The following RANBP3L variants were observed in gnomAD, a reference collection of about 807,000 sequenced individuals.
RANBP3L encodes the protein ran-binding protein 3-like.
A neutral mutation model predicts 67.2 loss-of-function variants in RANBP3L; 56 were observed. The observed-to-expected ratio is 0.83, with a 90% confidence interval of 0.67 to 1.04. The LOEUF (loss-of-function observed/expected upper bound fraction) is 1.04. Ranked by LOEUF, RANBP3L falls within the 50% of genes least tolerant of loss-of-function variation. RANBP3L has a pLI of 0.00. For synonymous variants in RANBP3L, 164 were observed against 181.4 expected (o/e 0.90, Z 0.77); for missense variants, 496 against 535.5 (o/e 0.93, Z 0.73).
At chr5:36,268,574 A>G (rs1038099275) in intron 4 of RANBP3L, among the ~76,000 whole-genome samples, 4 of 152,310 alleles carry the variant, frequency 2.6e-5, no homozygotes, top group Admixed American at 1.3e-4. Context: ...TGGAAGGCAT[A>G]GAGCTCATTA....
chr5:36,257,824 A>G (rs1316746082), intron 8 of RANBP3L, among the ~76,000 whole-genome samples: 1 of 144,072 alleles, frequency 6.9e-6, no homozygotes, highest in African/African-American at 2.5e-5. Context: ...GGAAAGGTCT[A>G]AGGGCACAAA....
intron 13 of RANBP3L, among the ~76,000 whole-genome samples, chr5:36,250,287 ATAAACCATTTGTT>A (rs1446394270): frequency 3.3e-5 from 5 of 151,948 alleles, no homozygotes; most frequent in African/African-American, 4.8e-5. Flanking sequence ...TTAAAGACTA[ATAAACCATTTGTT>A]TAATAGATTT....
chr5:36,265,848 G>C (rs540252160), intron 4 of RANBP3L, among the ~76,000 whole-genome samples: 1 of 151,940 alleles, frequency 6.6e-6, no homozygotes, highest in South Asian at 2.1e-4. Context: ...GTGGTGGCAG[G>C]TGCCTGTAAT....
In RANBP3L at chr5:36,265,081, T is replaced by C. The variant is rs746022159; in HGVS notation, c.358A>G (p.Lys120Glu). Residue 120 changes from lysine to glutamate, a missense_variant, in exon 6 of 14, where the codon AAA becomes GAA. Transcript: ENST00000296604. ...SAEQGPVKHSKHVIRPAILQL... is the reference protein window; with the variant it reads ...SAEQGPVKHSEHVIRPAILQL... Reference sequence around the variant, plus strand: ...AAAATAGCAGGTCTAATAACATGTTTAGAATGTTTCACAGGACCTTAAAAG... The same window carrying C: ...AAAATAGCAGGTCTAATAACATGTTCAGAATGTTTCACAGGACCTTAAAAG... 6.2e-7 allele frequency: 1 copy of C among 1,607,124 alleles called. No homozygotes were observed. The highest frequency in any genetic ancestry group is 2.2e-5 in the East Asian group (1 of 44,844).
intron 2 of RANBP3L, among the ~76,000 whole-genome samples, chr5:36,270,675 T>G (rs1750142109): frequency 6.6e-6 from 1 of 152,134 alleles, no homozygotes; most frequent in Non-Finnish European, 1.5e-5. Context: ...CTTTTTATTT[T>G]TTTGTAGAGA....
At chr5:36,294,043 G>T (rs1004839716) in intron 1 of RANBP3L, among the ~76,000 whole-genome samples, 2 of 152,090 alleles carry the variant, frequency 1.3e-5, no homozygotes, top group African/African-American at 4.8e-5. Flanking sequence ...GACTCTTTTT[G>T]GTTGGTAAGC....
In RANBP3L at chr5:36,253,726, A is replaced by T; in HGVS notation, c.1088T>A (p.Ile363Asn). The stretch of plus-strand genomic sequence containing the variant: ...TACATTTTTGTGGTTTGCTCTTTGA[A>T]TCTTCATTTGGGCCCAGAGTTTGCT... ...LNSKLWAQMK[I>N]QRANHKNVRI... The change falls in exon 12 of 14, where the codon ATT (isoleucine) becomes AAT (asparagine). Residue 363 changes from isoleucine to asparagine, a missense_variant. Transcript: ENST00000296604. 6.2e-7 allele frequency: 1 copy of T among 1,611,248 alleles called. No homozygotes were observed. Among genetic ancestry groups the T allele is most frequent in the Non-Finnish European group, 8.5e-7 (1 of 1,177,800 alleles).
At position 36,271,431 on chromosome 5, in the gene RANBP3L, C is replaced by T. The variant is rs184097459; in HGVS notation, c.92-120G>A. On this transcript the variant is annotated intron_variant, in intron 1 of 13. Transcript: ENST00000296604. ...TGTTTTCTCTGCATTTGGGTAAAAG[C>T]CAAGCTATTTTACATGAATACTATC... 620 of 659,742 alleles carry T rather than the reference C, an allele frequency of 9.4e-4. 2 individuals are homozygous for T. The East Asian group carries it at 0.014, about 15-fold the overall frequency. 40.9% of individuals were successfully genotyped at this position (659,742 alleles called of 1,614,324 possible).
At chr5:36,271,028 C>G (rs952439307) in intron 2 of RANBP3L, among the ~76,000 whole-genome samples, 3 of 152,146 alleles carry the variant, frequency 2.0e-5, no homozygotes, top group African/African-American at 7.2e-5. Context: ...ATTACCATAG[C>G]GAAACAGTAT....
At chr5:36,290,896 TA>T (rs1201537749) in intron 1 of RANBP3L, among the ~76,000 whole-genome samples, 3 of 127,852 alleles carry the variant, frequency 2.3e-5, no homozygotes, top group Admixed American at 7.5e-5. Context: ...CATGCCTGGC[TA>T]ATTTTTTTTT....
chr5:36,268,408 A>G (rs970494081), intron 4 of RANBP3L: 3 of 535,964 alleles, frequency 5.6e-6, no homozygotes, highest in Admixed American at 7.4e-5. Context: ...AAATGAGTAC[A>G]TCTGATGAAG....
chr5:36,280,416 A>T (rs78310922), intron 1 of RANBP3L, among the ~76,000 whole-genome samples: 2,637 of 152,284 alleles, frequency 0.017, 25 homozygotes, highest in Non-Finnish European at 0.028. Flanking sequence ...GCATTTAAGA[A>T]ACTGGGGATC....
chr5:36,250,100 T>C (rs1295783843), intron 13 of RANBP3L, among the ~76,000 whole-genome samples: 2 of 151,978 alleles, frequency 1.3e-5, no homozygotes, highest in African/African-American at 4.8e-5. Context: ...AAATGGAATA[T>C]AACAGAATAT....
At chr5:36,251,532 C>A in intron 12 of RANBP3L, 33 bp from the exon 13 acceptor site, 1 of 1,508,266 alleles carries the variant, frequency 6.6e-7, no homozygotes, top group South Asian at 1.3e-5. Context: ...TTAAGAAAAT[C>A]ATTAATATGT....
chr5:36,300,938 A>T (rs965016076), intron 1 of RANBP3L, among the ~76,000 whole-genome samples: 4 of 152,202 alleles, frequency 2.6e-5, no homozygotes, highest in Non-Finnish European at 4.4e-5. Flanking sequence ...AGGCTTAAAC[A>T]AAGTGAAAAA....
Position 36,248,799 on chromosome 5 carries a change from A to G in RANBP3L, c.*855T>C, listed in dbSNP as rs1421102645. 2 of 152,212 alleles carry G rather than the reference A, an allele frequency of 1.3e-5. No homozygotes were observed. The highest frequency in any genetic ancestry group is 4.8e-5 in the African/African-American group (2 of 41,466). The allele number at this position is 152,212 out of a possible 1,614,324, so 9.4% of individuals were successfully genotyped here. On this transcript the variant is annotated 3_prime_UTR_variant, in exon 14 of 14. Transcript: ENST00000296604. ...GAAACAAATCGCAAAGAAGAGGATC[A>G]AAACTCTATTGTAAAATTGTTGAAA...
intron 1 of RANBP3L, among the ~76,000 whole-genome samples, chr5:36,289,604 C>G (rs774683808): frequency 1.3e-5 from 2 of 152,112 alleles, no homozygotes; most frequent in Non-Finnish European, 2.9e-5. Flanking sequence ...AAGTCTTGCA[C>G]GTATTTTGTT....
intron 1 of RANBP3L, among the ~76,000 whole-genome samples, chr5:36,294,913 A>G (rs1316593017): frequency 2.0e-5 from 3 of 148,808 alleles, no homozygotes; most frequent in East Asian, 1.9e-4. Context: ...GTGTATATAT[A>G]CATATATAAT....
chr5:36,256,479 A>T (rs140507482), intron 10 of RANBP3L, among the ~76,000 whole-genome samples: 39 of 152,232 alleles, frequency 2.6e-4, no homozygotes, highest in African/African-American at 8.7e-4. Context: ...TGTAGTGTGT[A>T]TCTGTGAAAT....
Sources: allele counts gnomAD v4.1 joint callset (sites outside exome capture counted in the v4.1 genomes callset), GRCh38; gene constraint gnomAD v4.1.1; transcripts MANE v1.5; gene names NCBI Gene and HGNC (gene_info 2026-07-23, HGNC 2026-07-21).